Variants in ATP2A2 observed in about 807,000 individuals in gnomAD.
ATP2A2 encodes sarcoplasmic/endoplasmic reticulum calcium ATPase 2.
Under a neutral mutation model 109.3 loss-of-function variants are expected in ATP2A2, and 14 were observed. The ratio of observed to expected loss-of-function variants is 0.13; its 90% CI spans 0.08 to 0.20. The LOEUF (loss-of-function observed/expected upper bound fraction) is 0.20. ATP2A2 is among the 10% of genes least tolerant of loss of function. The pLI is 1.00. For synonymous variants in ATP2A2, 506 were observed against 490.9 expected, an observed-to-expected ratio of 1.03 and a Z score of -0.41; for missense variants, 657 against 1,321.6, an observed-to-expected ratio of 0.50 and a Z score of 7.80.
Position 110,346,521 on chromosome 12 carries a change from A to G in ATP2A2, c.*51A>G, listed in dbSNP as rs778097794. ...TTTAACTTAATCAATTAATTTTTTT[A>G]TTGTTTAAAGCAACTGTCTATTTCT... On this transcript the variant is annotated 3_prime_UTR_variant, in exon 20 of 20. Coordinates refer to ENST00000539276, the MANE Select transcript of ATP2A2 (RefSeq NM_170665.4). The G allele has an allele frequency of 2.5e-6, 4 of 1,608,434 alleles. No individual in the cohort carries two copies. Among genetic ancestry groups the G allele is most frequent in the Non-Finnish European group, 3.4e-6 (4 of 1,177,778 alleles).
rs1224271487 is a variant in ATP2A2, at chr12:110,349,396, G to A, written c.*2926G>A. 25 of 985,380 alleles carry A rather than the reference G, an allele frequency of 2.5e-5. No homozygotes were observed. Among genetic ancestry groups the A allele is most frequent in the East Asian group, 2.3e-4 (2 of 8,828 alleles). 61.0% of individuals were successfully genotyped at this position (985,380 alleles called of 1,614,324 possible). A position where few individuals can be genotyped will look rare whatever the true frequency, so the allele number is the denominator to read the frequency against. On this transcript the variant is annotated 3_prime_UTR_variant, in exon 20 of 20. Coordinates refer to ENST00000539276, the MANE Select transcript of ATP2A2 (RefSeq NM_170665.4). ...GGCTGAAGGCCCAGCCATCAGTGTC[G>A]CTTGTTGCCACCCCGTGCCTCCCTT...
chr12:110,333,153 G>C (rs1274100954), intron 9 of ATP2A2, 28 bp from the exon 10 acceptor site: 1 of 1,581,748 alleles, frequency 6.3e-7, no homozygotes, highest in Non-Finnish European at 8.7e-7. Flanking sequence ...ACCATACCCT[G>C]CTCTAAGAGT....
At chr12:110,281,951 A>G in intron 1 of ATP2A2, 44 bp downstream of exon 1, 1 of 1,490,032 alleles carries the variant, frequency 6.7e-7, no homozygotes, top group South Asian at 1.2e-5. Context: ...CGCGGCCGGG[A>G]GAGCCAGGGA....
At chr12:110,303,057 A>G (rs1279951449) in intron 5 of ATP2A2, among the ~76,000 whole-genome samples, 1 of 152,182 alleles carries the variant, frequency 6.6e-6, no homozygotes. Flanking sequence ...TCATACTACT[A>G]GGCAGTGAGC....
chr12:110,313,805 G>A (rs978052069), intron 5 of ATP2A2, among the ~76,000 whole-genome samples: 1 of 150,592 alleles, frequency 6.6e-6, no homozygotes, highest in African/African-American at 2.4e-5. Context: ...CTGCCTCCTG[G>A]GTTCAAGCGA....
chr12:110,282,014 G>A, intron 1 of ATP2A2, 107 bp downstream of exon 1: 1 of 862,930 alleles, frequency 1.2e-6, no homozygotes. Flanking sequence ...CCCGCCGACA[G>A]CTGCGGGCGG....
intron 7 of ATP2A2, among the ~76,000 whole-genome samples, chr12:110,326,830 G>A (rs893861300): frequency 2.0e-5 from 3 of 152,192 alleles, no homozygotes; most frequent in African/African-American, 4.8e-5. Flanking sequence ...AAAAAGGTGC[G>A]TGTTTAGAGA....
intron 6 of ATP2A2, among the ~76,000 whole-genome samples, 182 bp downstream of exon 6, chr12:110,323,254 G>A (rs1393869863): frequency 6.6e-6 from 1 of 152,080 alleles, no homozygotes; most frequent in Admixed American, 6.5e-5. Flanking sequence ...GCGTGATTGC[G>A]GCTCACTGCA....
In ATP2A2 at chr12:110,350,259, A is replaced by G. The variant is rs569070764; in HGVS notation, c.*3789A>G. Reference sequence around the variant, plus strand: ...TTCTAACGTTTCCTCTCTGTATTTCATGAAGCTGATTTCCTCTCTCTTTCC... The same window carrying G: ...TTCTAACGTTTCCTCTCTGTATTTCGTGAAGCTGATTTCCTCTCTCTTTCC... On this transcript the variant is annotated 3_prime_UTR_variant, in exon 20 of 20. Transcript: ENST00000539276. 18 of 1,614,216 alleles carry G rather than the reference A, an allele frequency of 1.1e-5. No individual in the cohort carries two copies. Among genetic ancestry groups the G allele is most frequent in the Non-Finnish European group, 1.5e-5 (18 of 1,180,042 alleles).
Position 110,342,471 on chromosome 12 carries a change from C to T in ATP2A2, c.2318+23C>T, listed in dbSNP as rs544295130. ...CTGGTAGGTCTCTGTGACAGCATCA[C>T]TTACTGTACGCCTTTATCTAAATGG... On this transcript the variant is annotated intron_variant, in intron 15 of 19. Transcript: ENST00000539276. The surrounding 1 kb of genome is among the most constrained non-coding windows in gnomAD (Gnocchi z 4.6). 6.2e-6 allele frequency: 10 copies of T among 1,608,420 alleles called. No individual in the cohort carries two copies. In the South Asian group the frequency reaches 8.8e-5, roughly 14 times the overall value.
chr12:110,323,177 A>T (rs1877419386), intron 6 of ATP2A2, 105 bp downstream of exon 6: 2 of 880,188 alleles, frequency 2.3e-6, no homozygotes, highest in African/African-American at 1.6e-5. Flanking sequence ...TCCCATCTTA[A>T]TCCTCTCTAA....
At chr12:110,294,927 C>A (rs1310923965) in intron 4 of ATP2A2, among the ~76,000 whole-genome samples, 1 of 151,758 alleles carries the variant, frequency 6.6e-6, no homozygotes, top group African/African-American at 2.4e-5. Context: ...TCAAGAGATT[C>A]TCCCACCTCA....
chr12:110,313,896 T>C (rs1287441532), intron 5 of ATP2A2, among the ~76,000 whole-genome samples: 3 of 150,514 alleles, frequency 2.0e-5, no homozygotes, highest in African/African-American at 7.3e-5. Flanking sequence ...TTTTTTTTAG[T>C]AGAGACGGGG....
chr12:110,319,843 A>G (rs1877062186), intron 5 of ATP2A2, among the ~76,000 whole-genome samples: 1 of 152,000 alleles, frequency 6.6e-6, no homozygotes, highest in Non-Finnish European at 1.5e-5. Context: ...TTAGATAACG[A>G]TTGGATATCC....
In ATP2A2 at chr12:110,292,070, A is replaced by G; in HGVS notation, c.270A>G (p.Glu90=). ...EGEETITAFV[E]PFVILLILVA... ...AAGAAACAATTACAGCCTTTGTAGA[A>G]CCTTTTGTAATTTTACTCATATTAG... The change falls in exon 4 of 20, where the codon GAA becomes GAG. Residue 90 remains glutamate, a synonymous_variant. Coordinates refer to ENST00000539276, the MANE Select transcript of ATP2A2 (RefSeq NM_170665.4). 1.9e-6 allele frequency: 3 copies of G among 1,614,174 alleles called. No homozygotes were observed. The highest frequency in any genetic ancestry group is 2.5e-6 in the Non-Finnish European group (3 of 1,180,042).
At chr12:110,323,255 G>A (rs115270402) in intron 6 of ATP2A2, among the ~76,000 whole-genome samples, 183 bp downstream of exon 6, 12 of 152,160 alleles carry the variant, frequency 7.9e-5, no homozygotes, top group African/African-American at 2.9e-4. Context: ...CGTGATTGCG[G>A]CTCACTGCAG....
intron 3 of ATP2A2, among the ~76,000 whole-genome samples, chr12:110,290,567 A>C (rs1430100897): frequency 1.3e-5 from 2 of 152,230 alleles, no homozygotes; most frequent in African/African-American, 4.8e-5. Flanking sequence ...TGGATTCTAA[A>C]ATGGAATTAT....
chr12:110,343,200 T>A (rs1237598509), intron 15 of ATP2A2, 32 bp from the exon 16 acceptor site: 5 of 1,606,684 alleles, frequency 3.1e-6, no homozygotes, highest in Non-Finnish European at 4.3e-6. Flanking sequence ...TCATTTGGGC[T>A]CTCTTTGTCT....
chr12:110,299,336 G>A (rs187559177), intron 5 of ATP2A2, among the ~76,000 whole-genome samples: 1 of 152,150 alleles, frequency 6.6e-6, no homozygotes, highest in East Asian at 1.9e-4. Flanking sequence ...AAGAAAATAG[G>A]TCAGAATGGG....
Sources: allele counts gnomAD v4.1 joint callset (sites outside exome capture counted in the v4.1 genomes callset), GRCh38; gene constraint gnomAD v4.1.1; non-coding constraint Gnocchi (gnomAD v3.1); transcripts MANE v1.5; gene names NCBI Gene and HGNC (gene_info 2026-07-23, HGNC 2026-07-21).